The following MARK4 variants were observed in gnomAD, a reference collection of about 807,000 sequenced individuals.
The protein encoded by MARK4 is microtubule affinity regulating kinase 4, also known as MAP/microtubule affinity-regulating kinase 4.
MARK4 carries 19 observed loss-of-function variants against 81.5 expected under a neutral mutation model. The ratio of observed to expected loss-of-function variants is 0.23; its 90% confidence interval spans 0.16 to 0.34. The LOEUF (loss-of-function observed/expected upper bound fraction) is 0.34, where lower values mean the gene tolerates loss of function less well. Among genes scored for constraint, MARK4 ranks in the 10% least tolerant of loss-of-function variants. The probability of loss-of-function intolerance (pLI) is 1.00; values close to 1 mark genes in which losing one functional copy is unlikely to be tolerated. For missense variants in MARK4, 772 were observed against 1,058.8 expected (o/e 0.73, Z 3.76); for synonymous variants, 436 against 439.0 (o/e 0.99, Z 0.08).
At chr19:45,291,128 G>A (rs541906059) in intron 13 of MARK4, among the ~76,000 whole-genome samples, 1 of 152,152 alleles carries the variant, frequency 6.6e-6, no homozygotes, top group Non-Finnish European at 1.5e-5. Flanking sequence ...TCTGAGGCCC[G>A]TGTGTCAGAG....
intron 1 of MARK4, 62 bp from the exon 2 acceptor site, chr19:45,258,927 C>G: frequency 6.4e-7 from 1 of 1,564,082 alleles, no homozygotes; most frequent in African/African-American, 1.3e-5. Context: ...GTTAAGTGCA[C>G]TAGCCCACGG....
intron 1 of MARK4, among the ~76,000 whole-genome samples, chr19:45,252,792 G>C (rs1399944220): frequency 6.6e-6 from 1 of 152,040 alleles, no homozygotes; most frequent in African/African-American, 2.4e-5. Flanking sequence ...CCAGGGCTCA[G>C]CCTTTATTCA....
intron 7 of MARK4, among the ~76,000 whole-genome samples, chr19:45,267,111 T>A (rs1028100501): frequency 2.0e-5 from 3 of 151,756 alleles, no homozygotes; most frequent in African/African-American, 7.3e-5. Context: ...CAGGCTGGAG[T>A]GTAGTGGCCC....
chr19:45,293,903 T>C (rs1970851083), intron 13 of MARK4, among the ~76,000 whole-genome samples: 1 of 152,070 alleles, frequency 6.6e-6, no homozygotes, highest in Non-Finnish European at 1.5e-5. Flanking sequence ...CTGAAAGATA[T>C]GTAGGAGTGA....
At chr19:45,254,562 C>A (rs1264304592) in intron 1 of MARK4, among the ~76,000 whole-genome samples, 2 of 152,240 alleles carry the variant, frequency 1.3e-5, no homozygotes, top group African/African-American at 4.8e-5. Flanking sequence ...TCCATCTGCC[C>A]TGTGACCTTG....
chr19:45,300,114 C>G (rs896467808), intron 16 of MARK4, among the ~76,000 whole-genome samples: 1 of 152,166 alleles, frequency 6.6e-6, no homozygotes, highest in Admixed American at 6.5e-5. Flanking sequence ...TTTGGGAGTC[C>G]AAGGGAGGCA....
At chr19:45,273,083 T>A (rs991338816) in intron 8 of MARK4, among the ~76,000 whole-genome samples, 11 of 151,412 alleles carry the variant, frequency 7.3e-5, no homozygotes, top group Admixed American at 5.3e-4. Flanking sequence ...TGTGCTATGC[T>A]GGGGGGAATA....
At position 45,264,862 on chromosome 19, in the gene MARK4, G is replaced by A; in HGVS notation, c.444G>A (p.Val148=). Residue 148 remains valine (V), a synonymous_variant, in exon 6 of 17, where the codon GTG becomes GTA. Transcript: ENST00000262891. ...ASAGEVFDYL[V]SHGRMKEKEA... ...CAGGAGAAGTGTTTGACTACCTCGT[G>A]TCGCATGGCCGCATGAAGGAGAAGG... The A allele has an allele frequency of 6.2e-7, 1 of 1,614,154 alleles. No homozygotes were observed. The highest frequency in any genetic ancestry group is 8.5e-7 in the Non-Finnish European group (1 of 1,180,006).
Position 45,266,414 on chromosome 19 carries a change from C to T in MARK4, c.549+133C>T, listed in dbSNP as rs1599782867. 4.9e-6 allele frequency: 4 copies of T among 815,442 alleles called. No homozygotes were observed. In the East Asian group the frequency reaches 9.8e-5, roughly 20 times the overall value. The allele number at this position is 815,442 out of a possible 1,614,324, so 50.5% of individuals were successfully genotyped here. ...CCTTTTCTCCTCCTGCTCTTCCCTC[C>T]ACACCCAGCACCCCCTTGACCCTTT... On this transcript the variant is annotated intron_variant, in intron 7 of 16. Coordinates refer to ENST00000262891, the MANE Select transcript of MARK4 (RefSeq NM_001199867.2).
intron 4 of MARK4, among the ~76,000 whole-genome samples, chr19:45,263,611 G>A (rs1228430320): frequency 2.0e-5 from 3 of 151,884 alleles, no homozygotes; most frequent in East Asian, 1.9e-4. Context: ...GCATGGTGGC[G>A]GGCGCCTGTA....
chr19:45,273,448 G>A (rs963412262), intron 8 of MARK4, among the ~76,000 whole-genome samples: 2 of 152,092 alleles, frequency 1.3e-5, no homozygotes, highest in African/African-American at 4.8e-5. Context: ...TATAATCCTG[G>A]CCTCTACGCC....
Position 45,287,657 on chromosome 19 carries a change from G to A in MARK4, c.1487G>A (p.Ser496Asn), listed in dbSNP as rs776071313. ...EIPERRKDST[S>N]TPNNLPPSMM... ...CCAGAGCGGCGGAAGGACAGCACGA[G>A]CACCCCCGTGAGTGACCAGGGCTGG... The change falls in exon 13 of 17, where the codon AGC becomes AAC. Residue 496 changes from serine to asparagine, a missense_variant. By Grantham distance (46) the Ser-to-Asn change is conservative. This residue lies in a region of MARK4 where 548 missense variants were observed against 624.3 expected (regional missense o/e 0.88). Coordinates refer to ENST00000262891, the MANE Select transcript of MARK4 (RefSeq NM_001199867.2). The A allele has an allele frequency of 1.3e-6, 2 of 1,599,808 alleles. No homozygotes were observed. Among genetic ancestry groups the A allele is most frequent in the African/African-American group, 1.3e-5 (1 of 74,676 alleles).
chr19:45,251,721 G>A, intron 1 of MARK4, 82 bp downstream of exon 1: 2 of 1,319,540 alleles, frequency 1.5e-6, no homozygotes, highest in Non-Finnish European at 2.1e-6. Context: ...CTCGCCCCGC[G>A]AGCCCCTACC....
rs183422718 is a variant in MARK4, at chr19:45,304,249, A to G, written c.*1539A>G. ...TTCTATCCCTCCAGCTTTCTGCAGC[A>G]GAAAGACCCTCATTGTCAGTTTCCC... is the stretch of plus-strand genomic sequence containing the variant. On this transcript the variant is annotated 3_prime_UTR_variant, in exon 17 of 17. Coordinates refer to ENST00000262891, the MANE Select transcript of MARK4 (RefSeq NM_001199867.2). 46 of 152,332 alleles carry G rather than the reference A, an allele frequency of 3.0e-4. No individual in the cohort carries two copies. The highest frequency in any genetic ancestry group is 1.0e-3 in the African/African-American group (43 of 41,578). The allele number at this position is 152,332 out of a possible 1,614,324, so 9.4% of individuals were successfully genotyped here. A position where few individuals can be genotyped will look rare whatever the true frequency, so the allele number is the denominator to read the frequency against.
chr19:45,277,078 A>C (rs1482458420), intron 8 of MARK4, among the ~76,000 whole-genome samples: 1 of 149,990 alleles, frequency 6.7e-6, no homozygotes, highest in Non-Finnish European at 1.5e-5. Flanking sequence ...TAGAGAATAA[A>C]CTTCCTTTTT....
chr19:45,260,376 C>T (rs994212182), intron 2 of MARK4, among the ~76,000 whole-genome samples: 60 of 137,226 alleles, frequency 4.4e-4, no homozygotes, highest in African/African-American at 1.4e-3. Flanking sequence ...GCAACAAGAC[C>T]GAGACTTTGT....
chr19:45,268,454 C>T (rs1302572482), intron 7 of MARK4, among the ~76,000 whole-genome samples: 7 of 151,940 alleles, frequency 4.6e-5, no homozygotes, highest in East Asian at 1.9e-4. Context: ...CGTTGTGGCG[C>T]GTGCCTATAA....
intron 10 of MARK4, among the ~76,000 whole-genome samples, chr19:45,279,254 C>T (rs1162492042): frequency 1.3e-5 from 2 of 151,174 alleles, no homozygotes; most frequent in South Asian, 2.1e-4. Context: ...CAGTGGCTCA[C>T]GCCTATAATC....
rs947528750 is a variant in MARK4, at chr19:45,254,210, C to T, written c.51+2571C>T. Among the ~76,000 whole-genome samples the T allele has an allele frequency of 7.9e-5, 12 of 152,274 alleles. No individual in the cohort carries two copies. The East Asian group carries it at 1.5e-3, about 20-fold the overall frequency. The stretch of plus-strand genomic sequence containing the variant: ...CAGTCCCGGGTGTTGGGGCGCCAGC[C>T]GGGCGGGAGGGAGCCAGGCCAGCTG... On this transcript the variant is annotated intron_variant, in intron 1 of 16. Coordinates refer to ENST00000262891, the MANE Select transcript of MARK4 (RefSeq NM_001199867.2).
Sources: allele counts gnomAD v4.1 joint callset (sites outside exome capture counted in the v4.1 genomes callset), GRCh38; gene constraint gnomAD v4.1.1; regional missense constraint gnomAD v4.1.1; transcripts MANE v1.5; gene names NCBI Gene and HGNC (gene_info 2026-07-23, HGNC 2026-07-21).